Variants in GALNT1 observed in about 807,000 individuals in gnomAD.
GALNT1 encodes the protein polypeptide N-acetylgalactosaminyltransferase 1.
Under a neutral mutation model 65.7 loss-of-function variants are expected in GALNT1, and 17 were observed. The observed-to-expected ratio is 0.26, with a 90% CI of 0.18 to 0.39. The LOEUF (loss-of-function observed/expected upper bound fraction) is 0.39. Among genes scored for constraint, GALNT1 ranks in the 10% least tolerant of loss-of-function variants. The pLI, the probability that GALNT1 is intolerant of heterozygous loss-of-function variation, is 1.00. For synonymous variants in GALNT1, 210 were observed against 219.7 expected (o/e 0.96, Z 0.39); for missense variants, 460 against 672.8 (o/e 0.68, Z 3.50).
rs567254339 is a variant in GALNT1, at chr18:35,689,207, G to A, written c.895G>A (p.Asp299Asn). The change falls in exon 7 of 12, where the codon GAC (aspartate) becomes AAC (asparagine). Residue 299 changes from aspartate to asparagine, a missense_variant. By Grantham distance (23) the Asp-to-Asn change is conservative. Coordinates refer to ENST00000269195, the MANE Select transcript of GALNT1 (RefSeq NM_020474.4). ...CATGGCAGGAGGCCTTTTTTCAATA[G>A]ACAGAGATTACTTTCAGGAAATTGG... ...PTMAGGLFSIDRDYFQEIGTY... is the reference protein window; with the variant it reads ...PTMAGGLFSINRDYFQEIGTY... 1.2e-6 allele frequency: 2 copies of A among 1,612,646 alleles called. No individual in the cohort carries two copies. Among genetic ancestry groups the A allele is most frequent in the Non-Finnish European group, 1.7e-6 (2 of 1,179,134 alleles).
At chr18:35,639,592 A>G (rs1022101820) in intron 1 of GALNT1, among the ~76,000 whole-genome samples, 1 of 152,190 alleles carries the variant, frequency 6.6e-6, no homozygotes, top group Admixed American at 6.5e-5. Context: ...AAAGAACAAC[A>G]ATATAGTAGA....
chr18:35,706,961 G>T, intron 11 of GALNT1, among the ~76,000 whole-genome samples: 1 of 152,136 alleles, frequency 6.6e-6, no homozygotes, highest in East Asian at 1.9e-4. Context: ...AGTAGAAATT[G>T]AAACTCAGAA....
intron 1 of GALNT1, among the ~76,000 whole-genome samples, chr18:35,584,013 G>C (rs896539028): frequency 2.0e-5 from 3 of 152,166 alleles, no homozygotes; most frequent in African/African-American, 7.2e-5. Flanking sequence ...GATTTCACCA[G>C]TTTTTCCGTT....
chr18:35,621,436 C>G (rs2046850433), intron 1 of GALNT1, among the ~76,000 whole-genome samples: 1 of 147,810 alleles, frequency 6.8e-6, no homozygotes, highest in South Asian at 2.1e-4. Context: ...AAGTGATCCT[C>G]CTGTCTTGGC....
At chr18:35,618,565 A>C (rs934336661) in intron 1 of GALNT1, among the ~76,000 whole-genome samples, 17 of 152,326 alleles carry the variant, frequency 1.1e-4, no homozygotes, top group African/African-American at 4.1e-4. Context: ...AGGTTTTAGT[A>C]GAATAGTTTT....
At chr18:35,702,028 G>A (rs920390584) in intron 9 of GALNT1, among the ~76,000 whole-genome samples, 6 of 152,100 alleles carry the variant, frequency 3.9e-5, no homozygotes, top group Non-Finnish European at 5.9e-5. Context: ...AAAAGGTTTA[G>A]GTAACTTGTA....
At chr18:35,679,747 A>G (rs138766664) in intron 4 of GALNT1, among the ~76,000 whole-genome samples, 1 of 152,284 alleles carries the variant, frequency 6.6e-6, no homozygotes, top group East Asian at 1.9e-4. Flanking sequence ...CTTGCTTTCC[A>G]GGTTGAGAAT....
At chr18:35,649,310 T>G (rs898272132) in intron 1 of GALNT1, among the ~76,000 whole-genome samples, 1 of 152,382 alleles carries the variant, frequency 6.6e-6, no homozygotes, top group East Asian at 1.9e-4. Context: ...TTTCTTTTCA[T>G]GTACTCATTT....
At chr18:35,688,857 G>C (rs2047910626) in intron 6 of GALNT1, among the ~76,000 whole-genome samples, 1 of 152,118 alleles carries the variant, frequency 6.6e-6, no homozygotes, top group African/African-American at 2.4e-5. Flanking sequence ...AGGAGTTTGA[G>C]ATCTAAACTC....
intron 3 of GALNT1, among the ~76,000 whole-genome samples, chr18:35,674,391 A>G (rs998597768): frequency 1.3e-5 from 2 of 152,170 alleles, no homozygotes; most frequent in African/African-American, 4.8e-5. Context: ...TGGGGGTGCT[A>G]TTGAAGCTCA....
intron 5 of GALNT1, among the ~76,000 whole-genome samples, chr18:35,685,460 T>G (rs1324259102): frequency 1.3e-5 from 2 of 151,012 alleles, no homozygotes; most frequent in African/African-American, 2.5e-5. Flanking sequence ...CAGTGGAAGT[T>G]TACTAATCCA....
chr18:35,636,507 C>G (rs549346187), intron 1 of GALNT1, among the ~76,000 whole-genome samples: 1 of 152,336 alleles, frequency 6.6e-6, no homozygotes, highest in South Asian at 2.1e-4. Flanking sequence ...TGTTCAGAAA[C>G]TTCCCTATCT....
chr18:35,687,275 T>C (rs1314132620), intron 6 of GALNT1, 89 bp downstream of exon 6: 9 of 1,283,924 alleles, frequency 7.0e-6, no homozygotes, highest in Non-Finnish European at 9.8e-6. Context: ...TAAGTGTATT[T>C]TGAGAAACGT....
chr18:35,600,180 T>C (rs2143945526), intron 1 of GALNT1, among the ~76,000 whole-genome samples: 1 of 152,330 alleles, frequency 6.6e-6, no homozygotes, highest in South Asian at 2.1e-4. Flanking sequence ...TTTTAAAATG[T>C]CCTCTTTAAT....
At chr18:35,608,804 AAAG>A (rs1464244640) in intron 1 of GALNT1, among the ~76,000 whole-genome samples, 2 of 152,238 alleles carry the variant, frequency 1.3e-5, no homozygotes, top group African/African-American at 4.8e-5. Context: ...GAATGACAGA[AAAG>A]AAGGACTAGT....
intron 1 of GALNT1, among the ~76,000 whole-genome samples, chr18:35,604,061 G>A (rs1023205293): frequency 6.6e-6 from 1 of 151,862 alleles, no homozygotes; most frequent in East Asian, 1.9e-4. Context: ...ATAGTTTTTC[G>A]ATCCTCACCC....
chr18:35,693,098 ATGAC>A (rs1315910687), intron 9 of GALNT1, among the ~76,000 whole-genome samples: 2 of 152,224 alleles, frequency 1.3e-5, no homozygotes. Flanking sequence ...GGGATAGAGA[ATGAC>A]TGACAAGTGA....
intron 1 of GALNT1, chr18:35,596,233 T>A (rs574434382): frequency 6.6e-6 from 1 of 152,252 alleles, no homozygotes; most frequent in Non-Finnish European, 1.5e-5. Context: ...GACTGTAGCT[T>A]GATTCAGATT....
At chr18:35,698,988 AAAAT>A (rs1444993772) in intron 9 of GALNT1, among the ~76,000 whole-genome samples, 2 of 151,914 alleles carry the variant, frequency 1.3e-5, no homozygotes, top group Non-Finnish European at 2.9e-5. Context: ...TCTCAAAAAT[AAAAT>A]AAATAAAATA....
Sources: allele counts gnomAD v4.1 joint callset (sites outside exome capture counted in the v4.1 genomes callset), GRCh38; gene constraint gnomAD v4.1.1; transcripts MANE v1.5; gene names NCBI Gene and HGNC (gene_info 2026-07-23, HGNC 2026-07-21).